Variants in SLC22A15 observed in about 807,000 individuals in gnomAD.
SLC22A15 encodes the protein solute carrier family 22 member 15.
In SLC22A15, 45 loss-of-function variants were observed where a neutral mutation model predicts 62.7. The ratio of observed to expected loss-of-function variants is 0.72; its 90% CI spans 0.56 to 0.92. The LOEUF is 0.92. SLC22A15 is among the 40% of genes least tolerant of loss of function. The pLI, the probability that SLC22A15 is intolerant of heterozygous loss-of-function variation, is 0.00. For missense variants in SLC22A15, 622 were observed against 665.6 expected (o/e 0.93, Z 0.72); for synonymous variants, 264 against 267.0 (o/e 0.99, Z 0.11).
chr1:116,004,916 A>T (rs1035151064), intron 2 of SLC22A15, among the ~76,000 whole-genome samples: 1 of 152,206 alleles, frequency 6.6e-6, no homozygotes, highest in South Asian at 2.1e-4. Flanking sequence ...CTTTTCCAGG[A>T]ATTGGTCCAT....
intron 8 of SLC22A15, among the ~76,000 whole-genome samples, chr1:116,044,156 G>A (rs575654290): frequency 2.0e-5 from 3 of 152,276 alleles, no homozygotes; most frequent in African/African-American, 7.2e-5. Context: ...TATAAGAAGA[G>A]AAAACTACAG....
intron 1 of SLC22A15, among the ~76,000 whole-genome samples, chr1:115,978,044 G>A (rs1163605171): frequency 6.6e-6 from 1 of 152,148 alleles, no homozygotes; most frequent in Non-Finnish European, 1.5e-5. Context: ...AAACGTTCAA[G>A]CTAAATGATA....
chr1:116,043,539 A>G (rs943226477), intron 8 of SLC22A15, among the ~76,000 whole-genome samples: 2 of 152,208 alleles, frequency 1.3e-5, no homozygotes, highest in Non-Finnish European at 2.9e-5. Flanking sequence ...TTTTCAAATT[A>G]ATGATCTAAG....
chr1:116,031,353 A>G lies in SLC22A15; in HGVS notation c.729-13A>G, dbSNP rs769799245. 3 of 1,603,144 alleles carry G rather than the reference A, an allele frequency of 1.9e-6. No individual in the cohort carries two copies. In the African/African-American group the frequency reaches 4.0e-5, roughly 21 times the overall value. On this transcript the variant is annotated splice_polypyrimidine_tract_variant and intron_variant, in intron 5 of 11. Coordinates refer to ENST00000369503, the MANE Select transcript of SLC22A15 (RefSeq NM_018420.3). The stretch of plus-strand genomic sequence containing the variant: ...CTATATGAATATACAGGCTTTAATG[A>G]CATCTCTTTCAGATTCATTCCTGAA...
chr1:116,022,634 G>A (rs1335594445), intron 4 of SLC22A15, among the ~76,000 whole-genome samples: 1 of 152,146 alleles, frequency 6.6e-6, no homozygotes, highest in Non-Finnish European at 1.5e-5. Context: ...ACCAACCCTG[G>A]TCTCTTGCTC....
chr1:116,034,439 G>A (rs1174952226), intron 6 of SLC22A15, among the ~76,000 whole-genome samples: 1 of 152,146 alleles, frequency 6.6e-6, no homozygotes, highest in East Asian at 1.9e-4. Flanking sequence ...GAGAGGCTTG[G>A]TGCCTAGCAC....
At chr1:116,029,303 G>T (rs748358407) in intron 5 of SLC22A15, among the ~76,000 whole-genome samples, 10 of 151,956 alleles carry the variant, frequency 6.6e-5, no homozygotes, top group African/African-American at 2.2e-4. Context: ...GAAAACCAGG[G>T]TCCCCTTAAT....
At chr1:116,042,361 GA>G (rs1164115227) in intron 8 of SLC22A15, among the ~76,000 whole-genome samples, 5 of 151,462 alleles carry the variant, frequency 3.3e-5, no homozygotes, top group African/African-American at 1.2e-4. Context: ...TATAATATAT[GA>G]AAAAAATACA....
At chr1:116,050,788 C>T (rs1330228928) in intron 8 of SLC22A15, among the ~76,000 whole-genome samples, 4 of 152,104 alleles carry the variant, frequency 2.6e-5, no homozygotes, top group Admixed American at 1.3e-4. Flanking sequence ...AAACTGTCAC[C>T]GTTTGCTGAT....
intron 8 of SLC22A15, among the ~76,000 whole-genome samples, chr1:116,045,616 G>A (rs1657910604): frequency 6.6e-6 from 1 of 150,516 alleles, no homozygotes. Flanking sequence ...GTGCACCTCT[G>A]TAATCCCAGC....
chr1:116,046,655 G>A (rs1465617882), intron 8 of SLC22A15, among the ~76,000 whole-genome samples: 3 of 152,188 alleles, frequency 2.0e-5, no homozygotes, highest in African/African-American at 7.2e-5. Context: ...GCAATCCCGA[G>A]AGGACCCACA....
At chr1:116,015,205 C>G (rs1165503425) in intron 2 of SLC22A15, 1 of 152,140 alleles carries the variant, frequency 6.6e-6, no homozygotes, top group Non-Finnish European at 1.5e-5. Flanking sequence ...TCAACCATCC[C>G]CAGTTCACTA....
At chr1:116,028,858 A>G (rs1657235416) in intron 5 of SLC22A15, among the ~76,000 whole-genome samples, 1 of 152,130 alleles carries the variant, frequency 6.6e-6, no homozygotes, top group Non-Finnish European at 1.5e-5. Context: ...TTATTTGATA[A>G]GTACACCACT....
chr1:116,067,134 C>G lies in SLC22A15; in HGVS notation c.*26C>G. 1 of 1,576,254 alleles carries G rather than the reference C, an allele frequency of 6.3e-7. No homozygotes were observed. On this transcript the variant is annotated 3_prime_UTR_variant, in exon 12 of 12. Coordinates refer to ENST00000369503, the MANE Select transcript of SLC22A15 (RefSeq NM_018420.3). ...AGAGCCCCAGATTCCCCCTAAGAAG[C>G]AAAGGATCGTCTTTTATGCCTCTGG...
intron 2 of SLC22A15, among the ~76,000 whole-genome samples, chr1:115,997,572 G>A (rs889445772): frequency 3.3e-5 from 5 of 152,034 alleles, no homozygotes; most frequent in Non-Finnish European, 2.9e-5. Context: ...TTTTGTAAAT[G>A]GGATTACTTT....
At chr1:116,030,470 T>C (rs1657337636) in intron 5 of SLC22A15, among the ~76,000 whole-genome samples, 1 of 152,210 alleles carries the variant, frequency 6.6e-6, no homozygotes, top group African/African-American at 2.4e-5. Flanking sequence ...CAACCTTGAT[T>C]TGTGTCTTGT....
intron 2 of SLC22A15, among the ~76,000 whole-genome samples, chr1:115,994,471 C>A (rs1439338311): frequency 6.6e-6 from 1 of 152,052 alleles, no homozygotes; most frequent in Non-Finnish European, 1.5e-5. Context: ...AGGAATATAT[C>A]CAATCCAAAT....
intron 7 of SLC22A15, among the ~76,000 whole-genome samples, chr1:116,035,543 G>C (rs1049631668): frequency 1.4e-4 from 21 of 152,122 alleles, no homozygotes; most frequent in African/African-American, 5.1e-4. Context: ...TTTTTATATA[G>C]ATTTCAATTC....
At chr1:116,058,681 G>A (rs1658294609) in intron 8 of SLC22A15, among the ~76,000 whole-genome samples, 1 of 152,136 alleles carries the variant, frequency 6.6e-6, no homozygotes, top group African/African-American at 2.4e-5. Flanking sequence ...GTTTATAGCA[G>A]CACAAATCCC....
Sources: allele counts gnomAD v4.1 joint callset (sites outside exome capture counted in the v4.1 genomes callset), GRCh38; gene constraint gnomAD v4.1.1; transcripts MANE v1.5; gene names NCBI Gene and HGNC (gene_info 2026-07-23, HGNC 2026-07-21).